The following ZC3H11A variants were observed in gnomAD, a reference collection of about 807,000 sequenced individuals.
ZC3H11A encodes zinc finger CCCH-type containing 11A.
A neutral mutation model predicts 90.8 loss-of-function variants in ZC3H11A; 22 were observed. That is an observed-to-expected ratio of 0.24 (90% CI 0.17 to 0.35). The LOEUF is 0.35. Ranked by LOEUF, ZC3H11A falls within the 10% of genes least tolerant of loss-of-function variation. The pLI, the probability that ZC3H11A is intolerant of heterozygous loss-of-function variation, is 1.00. For missense variants in ZC3H11A, 701 were observed against 964.9 expected, an observed-to-expected ratio of 0.73 and a Z score of 3.62; for synonymous variants, 294 against 339.8, an observed-to-expected ratio of 0.87 and a Z score of 1.48.
At chr1:203,841,420 A>T (rs995904247) in intron 12 of ZC3H11A, among the ~76,000 whole-genome samples, 2 of 151,760 alleles carry the variant, frequency 1.3e-5, no homozygotes, top group Admixed American at 1.3e-4. Context: ...GCCCTTAATC[A>T]ATTTAACCCT....
At position 203,847,499 on chromosome 1, in the gene ZC3H11A, G is replaced by C; in HGVS notation, c.1358G>C (p.Arg453Thr). ...GTTTTGCCACCCATTGTTGCCAGCA[G>C]AGGACAATCAGAGGAGCCTGCAGGT... ...TVVLPPIVAS[R>T]GQSEEPAGKT... The change falls in exon 13 of 18, where the codon AGA (arginine) becomes ACA (threonine). Residue 453 changes from arginine to threonine, a missense_variant. This residue lies in a region of ZC3H11A where 530 missense variants were observed against 696.2 expected (regional missense o/e 0.76). Transcript: ENST00000367210. The C allele has an allele frequency of 6.2e-7, 1 of 1,613,978 alleles. No individual in the cohort carries two copies. Among genetic ancestry groups the C allele is most frequent in the Non-Finnish European group, 8.5e-7 (1 of 1,179,872 alleles).
At chr1:203,797,531 A>G in intron 1 of ZC3H11A, 1 of 1,512,922 alleles carries the variant, frequency 6.6e-7, no homozygotes, top group Non-Finnish European at 8.8e-7. Flanking sequence ...GAATGAGTGT[A>G]TGTACTCTAA....
chr1:203,797,679 A>C, intron 1 of ZC3H11A: 2 of 1,536,050 alleles, frequency 1.3e-6, no homozygotes, highest in Non-Finnish European at 1.7e-6. Context: ...AGAAGGAGTG[A>C]ATAAAGAGGC....
chr1:203,812,083 C>T (rs1385463433), intron 2 of ZC3H11A, among the ~76,000 whole-genome samples: 2 of 152,144 alleles, frequency 1.3e-5, no homozygotes, highest in African/African-American at 4.8e-5. Flanking sequence ...TCCCAAAGTG[C>T]TGGGATTACA....
chr1:203,831,002 A>G (rs113375447), intron 8 of ZC3H11A, among the ~76,000 whole-genome samples: 26,458 of 127,536 alleles, frequency 0.21, 2,618 homozygotes, highest in Middle Eastern at 0.33. Context: ...CTGGAGTGCA[A>G]TGGCGCAATC....
intron 12 of ZC3H11A, among the ~76,000 whole-genome samples, chr1:203,842,115 A>T (rs1686517071): frequency 1.4e-5 from 2 of 146,160 alleles, no homozygotes; most frequent in Non-Finnish European, 3.0e-5. Flanking sequence ...CACTTCCCAG[A>T]CTGGGCGGCT....
intron 11 of ZC3H11A, among the ~76,000 whole-genome samples, chr1:203,838,954 C>CAAAAAAAAAAAAA (rs59033094): frequency 3.1e-5 from 3 of 97,944 alleles, no homozygotes; most frequent in African/African-American, 8.6e-5. Flanking sequence ...GACTTCATCT[C>CAAAAAAAAAAAAA]AAAAAAAAAA....
At chr1:203,834,577 T>A (rs1017062602) in intron 10 of ZC3H11A, among the ~76,000 whole-genome samples, 3 of 152,196 alleles carry the variant, frequency 2.0e-5, no homozygotes, top group African/African-American at 4.8e-5. Context: ...TGGCTGCTAT[T>A]TTATTTTTGG....
chr1:203,851,277 C>T (rs1449323468), intron 17 of ZC3H11A, among the ~76,000 whole-genome samples, 153 bp downstream of exon 17: 2 of 152,162 alleles, frequency 1.3e-5, no homozygotes, highest in Non-Finnish European at 2.9e-5. Flanking sequence ...TCTAGGGTTG[C>T]TGTTCTTCTT....
At chr1:203,836,295 T>C (rs529286850) in intron 10 of ZC3H11A, among the ~76,000 whole-genome samples, 5 of 152,346 alleles carry the variant, frequency 3.3e-5, no homozygotes, top group Non-Finnish European at 7.3e-5. Context: ...TTTGTGATGG[T>C]TTTATATTTA....
intron 12 of ZC3H11A, among the ~76,000 whole-genome samples, chr1:203,846,457 A>T (rs1364185802): frequency 6.6e-6 from 1 of 152,104 alleles, no homozygotes; most frequent in East Asian, 1.9e-4. Flanking sequence ...TAAATTTAAT[A>T]TCATTTCCTT....
At chr1:203,850,705 G>A (rs1206694646) in intron 16 of ZC3H11A, 24 bp downstream of exon 16, 5 of 1,607,116 alleles carry the variant, frequency 3.1e-6, no homozygotes, top group Admixed American at 3.4e-5. Context: ...TCACTTTGTG[G>A]TGCTTTATTC....
chr1:203,813,293 G>A (rs1380169662), intron 2 of ZC3H11A, among the ~76,000 whole-genome samples: 2 of 151,556 alleles, frequency 1.3e-5, no homozygotes, highest in African/African-American at 2.4e-5. Flanking sequence ...TGCAACCTCC[G>A]CCTCCCAGGT....
chr1:203,845,306 CA>C (rs1476761446), intron 12 of ZC3H11A, among the ~76,000 whole-genome samples: 14 of 152,164 alleles, frequency 9.2e-5, no homozygotes, highest in Non-Finnish European at 1.6e-4. Context: ...TCTATGTCAC[CA>C]TTCATGTTGT....
rs1442145511 is a variant in ZC3H11A at position 203,802,231 on chromosome 1, CATA to C, written c.-928_-926del. On this transcript the variant is annotated 5_prime_UTR_variant, in exon 2 of 18. The change creates a new upstream start codon in the 5' untranslated region. Transcript: ENST00000367210. ...TATATATACATACATCCATATTATA[CATA>C]ATGATATATGTGTAAGGATTTACCT... 1 of 152,560 alleles carries C rather than the reference CATA, an allele frequency of 6.6e-6. No individual in the cohort carries two copies. Among genetic ancestry groups the C allele is most frequent in the African/African-American group, 2.4e-5 (1 of 41,414 alleles). The allele number at this position is 152,560 out of a possible 1,614,324, so 9.5% of individuals were successfully genotyped here. A position where few individuals can be genotyped will look rare whatever the true frequency, so the allele number is the denominator to read the frequency against.
At chr1:203,848,842 A>G (rs940413486) in intron 14 of ZC3H11A, among the ~76,000 whole-genome samples, 6 of 152,152 alleles carry the variant, frequency 3.9e-5, no homozygotes, top group African/African-American at 1.4e-4. Flanking sequence ...AAACTGAACA[A>G]ACCCTAAAAA....
intron 4 of ZC3H11A, among the ~76,000 whole-genome samples, chr1:203,823,384 A>G (rs925493346): frequency 6.6e-6 from 1 of 152,220 alleles, no homozygotes; most frequent in Non-Finnish European, 1.5e-5. Context: ...CTGCCCAGGG[A>G]AATCCATTAG....
At chr1:203,819,348 A>G (rs1461949754) in intron 4 of ZC3H11A, among the ~76,000 whole-genome samples, 1 of 149,372 alleles carries the variant, frequency 6.7e-6, no homozygotes, top group East Asian at 2.0e-4. Context: ...CAGCCTCCTG[A>G]GTAGCTGGGA....
chr1:203,828,015 T>TACTG (rs1358050805), intron 4 of ZC3H11A, among the ~76,000 whole-genome samples: 3 of 151,162 alleles, frequency 2.0e-5, no homozygotes, highest in African/African-American at 7.2e-5. Context: ...AAACTTAAAC[T>TACTG]ACTGTATCAT....
Sources: allele counts gnomAD v4.1 joint callset (sites outside exome capture counted in the v4.1 genomes callset), GRCh38; gene constraint gnomAD v4.1.1; regional missense constraint gnomAD v4.1.1; transcripts MANE v1.5; gene names NCBI Gene and HGNC (gene_info 2026-07-23, HGNC 2026-07-21).